The following ESRRG variants were observed in gnomAD, a reference collection of about 807,000 sequenced individuals.
ESRRG encodes the protein estrogen-related receptor gamma.
ESRRG carries 13 observed loss-of-function variants against 44.0 expected under a neutral mutation model. The ratio of observed to expected loss-of-function variants is 0.30; its 90% CI spans 0.19 to 0.47. ESRRG has a LOEUF of 0.47. Among genes scored for constraint, ESRRG ranks in the 20% least tolerant of loss-of-function variants. ESRRG has a pLI of 1.00. For missense variants in ESRRG, 395 were observed against 580.6 expected, an observed-to-expected ratio of 0.68 and a Z score of 3.29; for synonymous variants, 215 against 214.6, an observed-to-expected ratio of 1.00 and a Z score of -0.02.
intron 1 of ESRRG, among the ~76,000 whole-genome samples, chr1:216,685,078 C>A (rs753624984): frequency 6.6e-6 from 1 of 152,090 alleles, no homozygotes; most frequent in African/African-American, 2.4e-5. Flanking sequence ...TACTCTTCTG[C>A]GAACCAAAAG....
At chr1:217,133,836 G>A (rs1288179589) in intron 1 of ESRRG, among the ~76,000 whole-genome samples, 1 of 151,982 alleles carries the variant, frequency 6.6e-6, no homozygotes, top group East Asian at 1.9e-4. Flanking sequence ...AAAGAGCTGA[G>A]CGCATTTACA....
chr1:216,731,787 G>C (rs2088830394), intron 2 of ESRRG, among the ~76,000 whole-genome samples: 1 of 152,224 alleles, frequency 6.6e-6, no homozygotes, highest in East Asian at 1.9e-4. Context: ...TCCTGGGGCT[G>C]TTATCTCACC....
chr1:216,709,053 T>C (rs184856014), intron 1 of ESRRG, among the ~76,000 whole-genome samples: 76 of 151,870 alleles, frequency 5.0e-4, no homozygotes, highest in African/African-American at 1.6e-3. Flanking sequence ...CAACACACAC[T>C]GGGGCCTGCA....
intron 2 of ESRRG, among the ~76,000 whole-genome samples, chr1:216,809,097 T>C (rs1020452888): frequency 1.5e-4 from 23 of 152,148 alleles, no homozygotes; most frequent in African/African-American, 5.3e-4. Context: ...CAAGTTCTCA[T>C]AGCAACCCTG....
chr1:216,541,577 T>C (rs560542150), intron 5 of ESRRG, among the ~76,000 whole-genome samples: 7 of 120,356 alleles, frequency 5.8e-5, no homozygotes, highest in Non-Finnish European at 1.2e-4. Flanking sequence ...TGTGTGTGTG[T>C]GTGTGTGTGT....
At chr1:217,051,732 C>A (rs1012274884) in intron 1 of ESRRG, among the ~76,000 whole-genome samples, 4 of 152,086 alleles carry the variant, frequency 2.6e-5, no homozygotes, top group African/African-American at 9.7e-5. Context: ...AACAACTTAT[C>A]CCATCTGGAG....
intron 2 of ESRRG, among the ~76,000 whole-genome samples, chr1:216,934,251 T>C (rs1578330642): frequency 1.3e-5 from 2 of 152,062 alleles, no homozygotes; most frequent in African/African-American, 2.4e-5. Context: ...CTGGCCAACA[T>C]GGCGAAACCC....
rs80056753 is a variant in ESRRG, at chr1:216,683,714, A to C, written c.57-6223T>G. Among the ~76,000 whole-genome samples the C allele has an allele frequency of 6.2e-3, 942 of 152,340 alleles. 15 individuals are homozygous for C. Among genetic ancestry groups the C allele is most frequent in the Admixed American group, 0.016 (247 of 15,300 alleles). On this transcript the variant is annotated intron_variant, in intron 1 of 6. Coordinates refer to ENST00000408911, the MANE Select transcript of ESRRG (RefSeq NM_001438.4). The stretch of plus-strand genomic sequence containing the variant: ...ATTTCTGGCTGATCATCGAAATAAA[A>C]GTGTCCCATGCATTATAATTTCATA...
intron 1 of ESRRG, among the ~76,000 whole-genome samples, chr1:217,054,113 G>A (rs2086634630): frequency 6.6e-6 from 1 of 151,470 alleles, no homozygotes; most frequent in African/African-American, 2.4e-5. Context: ...TTGTACATCA[G>A]GTGCTTAGGA....
At chr1:217,098,594 G>A (rs753058745) in intron 1 of ESRRG, among the ~76,000 whole-genome samples, 5 of 152,100 alleles carry the variant, frequency 3.3e-5, no homozygotes, top group African/African-American at 9.7e-5. Context: ...ACAGAGAAAC[G>A]GTCTAGCTGC....
intron 3 of ESRRG, among the ~76,000 whole-genome samples, chr1:216,632,329 T>C (rs1013281450): frequency 6.6e-6 from 1 of 152,222 alleles, no homozygotes; most frequent in Non-Finnish European, 1.5e-5. Flanking sequence ...ATAGCATTTG[T>C]GAAAACTTTT....
intron 1 of ESRRG, among the ~76,000 whole-genome samples, chr1:217,123,752 A>G (rs1327431004): frequency 6.6e-6 from 1 of 151,944 alleles, no homozygotes; most frequent in Non-Finnish European, 1.5e-5. Context: ...GGAGCCTGTT[A>G]GGGGAGAGTA....
intron 1 of ESRRG, among the ~76,000 whole-genome samples, chr1:217,004,183 C>T (rs2789567): frequency 0.35 from 53,127 of 151,914 alleles, 11,345 homozygotes; most frequent in African/African-American, 0.59. Context: ...ACTTATCCTG[C>T]CTGTTTTCAC....
chr1:216,637,227 G>A (rs1186758544), intron 3 of ESRRG, among the ~76,000 whole-genome samples: 2 of 152,142 alleles, frequency 1.3e-5, no homozygotes, highest in Non-Finnish European at 2.9e-5. Context: ...GTGCCACTCA[G>A]AAATATACGT....
chr1:216,730,919 T>C (rs1575854465), intron 2 of ESRRG, among the ~76,000 whole-genome samples: 1 of 152,222 alleles, frequency 6.6e-6, no homozygotes, highest in Non-Finnish European at 1.5e-5. Context: ...CAATGTACAA[T>C]GATTGCTTCC....
intron 1 of ESRRG, among the ~76,000 whole-genome samples, chr1:216,695,428 T>C (rs1292354840): frequency 6.6e-6 from 1 of 152,154 alleles, no homozygotes; most frequent in Non-Finnish European, 1.5e-5. Context: ...TAGTTACAAC[T>C]GAAGGAAACT....
chr1:216,886,700 T>G (rs2096522965), intron 2 of ESRRG, among the ~76,000 whole-genome samples: 1 of 152,156 alleles, frequency 6.6e-6, no homozygotes, highest in Non-Finnish European at 1.5e-5. Flanking sequence ...TCCACAAATA[T>G]TTTATAACAC....
chr1:216,919,809 G>A (rs1226896680), intron 2 of ESRRG, among the ~76,000 whole-genome samples: 2 of 152,148 alleles, frequency 1.3e-5, no homozygotes, highest in Non-Finnish European at 2.9e-5. Context: ...TCAGTGTATG[G>A]TAGGAGAACA....
intron 3 of ESRRG, among the ~76,000 whole-genome samples, chr1:216,618,145 C>T (rs1047520939): frequency 1.3e-5 from 2 of 152,126 alleles, no homozygotes; most frequent in Non-Finnish European, 2.9e-5. Context: ...TTAGCAAATG[C>T]CCTATTTACA....
Sources: gnomAD v4.1 joint callset for allele counts (sites outside exome capture counted in the v4.1 genomes callset) on GRCh38, gnomAD v4.1.1 for gene constraint, MANE v1.5 for transcripts, NCBI Gene and HGNC (gene_info 2026-07-23, HGNC 2026-07-21) for gene names.